The following SEPTIN6 variants were observed in gnomAD, a reference collection of about 807,000 sequenced individuals.
SEPTIN6 encodes septin 6, also known as septin-6.
SEPTIN6 carries 8 observed loss-of-function variants against 33.6 expected under a neutral mutation model. That is an observed-to-expected ratio of 0.24 (90% CI 0.14 to 0.43). The LOEUF is 0.43. SEPTIN6 is among the 20% of genes least tolerant of loss of function. The pLI is 1.00. For missense variants in SEPTIN6, 250 were observed against 340.8 expected (o/e 0.73, Z 2.10); for synonymous variants, 131 against 140.0 (o/e 0.94, Z 0.45).
At chrX:119,647,483 C>CTTTTTTTTTT (rs61037430) in intron 5 of SEPTIN6, among the ~76,000 whole-genome samples, 4,721 of 74,193 alleles carry the variant, frequency 0.064, 786 homozygotes, top group African/African-American at 0.26. Context: ...TTCTCTCTCT[C>CTTTTTTTTTT]TTTTTTTTTT....
chrX:119,625,842 C>T (rs2053849454), intron 9 of SEPTIN6, among the ~76,000 whole-genome samples: 1 of 111,881 alleles, frequency 8.9e-6, no homozygotes, highest in Non-Finnish European at 1.9e-5. Context: ...TGAGCCACCA[C>T]GGCTGGCCAG....
intron 3 of SEPTIN6, among the ~76,000 whole-genome samples, chrX:119,661,386 A>G (rs1039714531): frequency 9.0e-6 from 1 of 111,288 alleles, no homozygotes; most frequent in Non-Finnish European, 1.9e-5. Context: ...AGCTGAGATC[A>G]CACCACTGCG....
Position 119,618,434 on chromosome X carries a change from G to T in SEPTIN6, c.*1659C>A. 1 of 874,474 alleles carries T rather than the reference G, an allele frequency of 1.1e-6. No individual in the cohort carries two copies. The highest frequency in any genetic ancestry group is 1.4e-6 in the Non-Finnish European group (1 of 715,812). 72.1% of individuals were successfully genotyped at this position (874,474 alleles called of 1,213,427 possible). ...TTGCTTCCTATTATGATCTATAATT[G>T]AAGTGAGAAATCCCCTTCCCCTTCT... On this transcript the variant is annotated 3_prime_UTR_variant, in exon 11 of 11. Transcript: ENST00000394610.
At chrX:119,629,776 G>C (rs1264061993) in intron 8 of SEPTIN6, among the ~76,000 whole-genome samples, 2 of 112,108 alleles carry the variant, frequency 1.8e-5, no homozygotes, top group Non-Finnish European at 1.9e-5. Context: ...TTGTTAAAAA[G>C]AGTCCCCATA....
intron 1 of SEPTIN6, among the ~76,000 whole-genome samples, chrX:119,679,555 T>C (rs1437801717): frequency 1.8e-5 from 2 of 111,479 alleles, no homozygotes; most frequent in African/African-American, 6.5e-5. Context: ...ATTTGAGAGA[T>C]GTCTTAAGAA....
rs750756057 is a variant in SEPTIN6 at position 119,637,050 on chromosome X, G to A, written c.933C>T (p.Thr311=). 46 of 1,209,146 alleles carry A rather than the reference G, an allele frequency of 3.8e-5. No individual in the cohort carries two copies. The highest frequency in any genetic ancestry group is 1.2e-4 in the East Asian group (4 of 33,708). Residue 311 remains threonine, a synonymous_variant, in exon 7 of 11, where the codon ACC becomes ACT. Coordinates refer to ENST00000394610, the MANE Select transcript of SEPTIN6 (RefSeq NM_145799.4). Reference sequence around the variant, plus strand: ...ACCTGAAGGGTTTGCTGTCAGGGTCGGTGTCCTTGAAGCCCATCTCCTCCA... The same window carrying A: ...ACCTGAAGGGTTTGCTGTCAGGGTCAGTGTCCTTGAAGCCCATCTCCTCCA... ...CKLEEMGFKD[T]DPDSKPFSLQ... is the part of the protein sequence containing the mutation.
chrX:119,664,830 G>A (rs1190948635), intron 2 of SEPTIN6, among the ~76,000 whole-genome samples: 1 of 79,563 alleles, frequency 1.3e-5, no homozygotes, highest in African/African-American at 5.6e-5. Flanking sequence ...AAGAGAGTGA[G>A]ACTCCATCTC....
intron 1 of SEPTIN6, among the ~76,000 whole-genome samples, chrX:119,679,898 G>A (rs1015737203): frequency 9.0e-6 from 1 of 111,014 alleles, no homozygotes; most frequent in Admixed American, 9.6e-5. Flanking sequence ...AAAAAGAAGG[G>A]ATGAGCCTCA....
chrX:119,625,724 T>C (rs764885642), intron 9 of SEPTIN6, among the ~76,000 whole-genome samples: 20 of 110,320 alleles, frequency 1.8e-4, no homozygotes, highest in Non-Finnish European at 3.8e-4. Context: ...TATTTATTTA[T>C]TTTTTTTGTA....
chrX:119,658,698 T>C (rs1463883426), intron 3 of SEPTIN6, among the ~76,000 whole-genome samples: 4 of 112,706 alleles, frequency 3.5e-5, no homozygotes, highest in Non-Finnish European at 7.5e-5. Flanking sequence ...TATTATACCA[T>C]CCTTTTGTTT....
intron 2 of SEPTIN6, 38 bp downstream of exon 2, chrX:119,675,516 T>C (rs972879785): frequency 2.4e-6 from 2 of 824,433 alleles, no homozygotes; most frequent in Non-Finnish European, 3.4e-6. Context: ...TAAGGATCCA[T>C]ATTCTGTAAT....
chrX:119,621,744 G>A (rs1461866889), intron 10 of SEPTIN6, among the ~76,000 whole-genome samples: 4 of 105,852 alleles, frequency 3.8e-5, no homozygotes, highest in East Asian at 5.8e-4. Context: ...CTCCTGCCTC[G>A]GCCTTCCAAA....
chrX:119,662,993 C>T lies in SEPTIN6; in HGVS notation c.341+489G>A, dbSNP rs779258381. 8.9e-5 allele frequency among the ~76,000 whole-genome samples: 10 copies of T among 112,450 alleles called. No homozygotes were observed. The South Asian group carries it at 3.6e-3, about 41-fold the overall frequency. On this transcript the variant is annotated intron_variant, in intron 3 of 10. Coordinates refer to ENST00000394610, the MANE Select transcript of SEPTIN6 (RefSeq NM_145799.4). ...AGGCACATCCTTTGTGAAGGCTTCC[C>T]TGACCTCCCTACGTGGAATTGATGG... is the stretch of plus-strand genomic sequence containing the variant.
At chrX:119,632,265 G>A (rs1401936845) in intron 8 of SEPTIN6, among the ~76,000 whole-genome samples, 2 of 108,600 alleles carry the variant, frequency 1.8e-5, no homozygotes, top group East Asian at 2.9e-4. Context: ...GCGCGATCTC[G>A]GCTCACTGCA....
intron 9 of SEPTIN6, 99 bp downstream of exon 9, chrX:119,629,219 T>C: frequency 1.2e-6 from 1 of 839,048 alleles, no homozygotes; most frequent in Non-Finnish European, 1.7e-6. Flanking sequence ...AGCTCACCTC[T>C]GGTCACCAGT....
intron 1 of SEPTIN6, among the ~76,000 whole-genome samples, chrX:119,683,326 T>A (rs550509357): frequency 3.1e-4 from 35 of 112,363 alleles, no homozygotes; most frequent in South Asian, 7.3e-4. Flanking sequence ...CTCTCTTCAG[T>A]CACCTACTGG....
intron 3 of SEPTIN6, among the ~76,000 whole-genome samples, chrX:119,658,335 C>A (rs1426513351): frequency 8.9e-6 from 1 of 111,837 alleles, no homozygotes; most frequent in South Asian, 3.7e-4. Context: ...ACAACATATC[C>A]TGAGATCTAG....
In SEPTIN6 at chrX:119,640,765, A is replaced by C; in HGVS notation, c.714T>G (p.Ile238Met). The stretch of plus-strand genomic sequence containing the variant: ...CTATCTTCAGTTCTTCTGTGCTGCC[A>C]ATGACAGCAAACGGCAGGTGGGCCT... ...TMNAHLPFAV[I>M]GSTEELKIGN... The change falls in exon 6 of 11, where the codon ATT (isoleucine) becomes ATG (methionine). Residue 238 changes from isoleucine to methionine, a missense_variant. Around this residue, in one of 2 missense-constraint regions of SEPTIN6, gnomAD observed 139 missense variants for 227.0 expected, o/e 0.61. Transcript: ENST00000394610. The C allele has an allele frequency of 8.3e-7, 1 of 1,210,768 alleles. No homozygotes were observed. Among genetic ancestry groups the C allele is most frequent in the Non-Finnish European group, 1.1e-6 (1 of 894,866 alleles).
chrX:119,665,973 T>C (rs2054629238), intron 2 of SEPTIN6, among the ~76,000 whole-genome samples: 1 of 109,503 alleles, frequency 9.1e-6, no homozygotes, highest in African/African-American at 3.3e-5. Flanking sequence ...TCCCAGCTAC[T>C]TGGGAGGCTG....
Sources: allele counts gnomAD v4.1 joint callset (sites outside exome capture counted in the v4.1 genomes callset), GRCh38; gene constraint gnomAD v4.1.1; regional missense constraint gnomAD v4.1.1; transcripts MANE v1.5; gene names NCBI Gene and HGNC (gene_info 2026-07-23, HGNC 2026-07-21).